The following USP8 variants were observed in gnomAD, a reference collection of about 807,000 sequenced individuals.
USP8 encodes the protein ubiquitin carboxyl-terminal hydrolase 8.
Under a neutral mutation model 130.0 loss-of-function variants are expected in USP8, and 27 were observed. The observed-to-expected ratio is 0.21, with a 90% CI of 0.15 to 0.29. The LOEUF (loss-of-function observed/expected upper bound fraction) is 0.29. Ranked by LOEUF, USP8 falls within the 10% of genes least tolerant of loss-of-function variation. The probability of loss-of-function intolerance (pLI) is 1.00; values close to 1 mark genes in which losing one functional copy is unlikely to be tolerated. For synonymous variants in USP8, 392 were observed against 444.1 expected (o/e 0.88, Z 1.48); for missense variants, 1,029 against 1,312.2 (o/e 0.78, Z 3.33).
chr15:50,433,933 A>C (rs1286244918), intron 1 of USP8, among the ~76,000 whole-genome samples: 1 of 152,014 alleles, frequency 6.6e-6, no homozygotes, highest in Non-Finnish European at 1.5e-5. Flanking sequence ...CTCATTTTCA[A>C]CACTTTTGGG....
chr15:50,434,356 G>T (rs1266544962), intron 1 of USP8, among the ~76,000 whole-genome samples: 1 of 151,836 alleles, frequency 6.6e-6, no homozygotes, highest in South Asian at 2.1e-4. Flanking sequence ...ACCTGCCTCA[G>T]CCTCCCGAAG....
chr15:50,449,586 ATT>A, intron 4 of USP8, 101 bp downstream of exon 4: 1 of 865,582 alleles, frequency 1.2e-6, no homozygotes. Context: ...TAATATTCCA[ATT>A]TTTTTTTGAG....
chr15:50,490,481 G>A lies in USP8; in HGVS notation c.2190G>A (p.Glu730=). Residue 730 remains glutamate, a synonymous_variant, in exon 14 of 20, where the codon GAG becomes GAA. Transcript: ENST00000307179. ...TAACCCAGGCTATTCAAGAGGAAGA[G>A]AAGAGGAAGCCAACAGTAACTCCAA... ...PDITQAIQEE[E]KRKPTVTPTV... is the part of the protein sequence containing the mutation. 1 of 1,614,158 alleles carries A rather than the reference G, an allele frequency of 6.2e-7. No individual in the cohort carries two copies. Among genetic ancestry groups the A allele is most frequent in the South Asian group, 1.1e-5 (1 of 91,088 alleles).
chr15:50,446,492 A>G (rs1457635713), intron 3 of USP8, among the ~76,000 whole-genome samples: 1 of 152,136 alleles, frequency 6.6e-6, no homozygotes, highest in Non-Finnish European at 1.5e-5. Context: ...TGTATTTTGT[A>G]TTTATTCAGA....
In USP8 at chr15:50,506,001, T is replaced by C. The variant is rs2052652966; in HGVS notation, c.*6913T>C. ...GAAAACAGTAGTTCAGTGATCAGAA[T>C]TACAGTGTTCTAAGAGCTTTCCATT... is the stretch of plus-strand genomic sequence containing the variant. On this transcript the variant is annotated 3_prime_UTR_variant, in exon 20 of 20. Coordinates refer to ENST00000307179, the MANE Select transcript of USP8 (RefSeq NM_005154.5). The C allele has an allele frequency of 6.6e-6, 1 of 152,222 alleles. No homozygotes were observed. The allele number at this position is 152,222 out of a possible 1,614,324, so 9.4% of individuals were successfully genotyped here. A position where few individuals can be genotyped will look rare whatever the true frequency, so the allele number is the denominator to read the frequency against.
intron 3 of USP8, among the ~76,000 whole-genome samples, chr15:50,447,649 G>T (rs1260044343): frequency 6.6e-6 from 1 of 151,456 alleles, no homozygotes; most frequent in African/African-American, 2.4e-5. Context: ...TGCAACCTCT[G>T]CCTCCCGGGT....
chr15:50,430,986 C>G (rs1056569261), intron 1 of USP8, among the ~76,000 whole-genome samples: 3 of 152,172 alleles, frequency 2.0e-5, no homozygotes, highest in Non-Finnish European at 4.4e-5. Context: ...GCTAAACATC[C>G]TGCAGTGCAC....
intron 4 of USP8, among the ~76,000 whole-genome samples, chr15:50,455,833 T>C (rs1311932032): frequency 6.6e-6 from 1 of 152,188 alleles, no homozygotes; most frequent in Non-Finnish European, 1.5e-5. Flanking sequence ...TTAATTCAGG[T>C]GTCAGGTGGC....
chr15:50,458,714 G>A (rs906129298), intron 4 of USP8: 5 of 251,254 alleles, frequency 2.0e-5, no homozygotes, highest in African/African-American at 9.1e-5. Context: ...GCAAATTGCA[G>A]CAGATTTGAA....
chr15:50,443,511 T>C (rs1188220466), intron 3 of USP8, among the ~76,000 whole-genome samples: 2 of 151,750 alleles, frequency 1.3e-5, no homozygotes, highest in African/African-American at 2.4e-5. Context: ...AAAGACGGAG[T>C]CTCACTCTGT....
intron 3 of USP8, among the ~76,000 whole-genome samples, chr15:50,441,901 A>G (rs888151580): frequency 6.7e-6 from 1 of 149,616 alleles, no homozygotes; most frequent in Non-Finnish European, 1.5e-5. Context: ...AGCTTTTTAT[A>G]TATGACTGAC....
chr15:50,513,390 T>C lies in USP8; in HGVS notation c.*14302T>C, dbSNP rs770128177. 1 of 151,924 alleles carries C rather than the reference T, an allele frequency of 6.6e-6. No homozygotes were observed. The highest frequency in any genetic ancestry group is 6.6e-5 in the Admixed American group (1 of 15,230). The allele number at this position is 151,924 out of a possible 1,614,324, so 9.4% of individuals were successfully genotyped here. Reference sequence around the variant, plus strand: ...ATAACCACATGCAACAATATGGATATATCTTTAAAATATTTAATGAAAAAG... The same window carrying C: ...ATAACCACATGCAACAATATGGATACATCTTTAAAATATTTAATGAAAAAG... On this transcript the variant is annotated 3_prime_UTR_variant, in exon 20 of 20. Transcript: ENST00000307179.
rs144452093 is a variant in USP8, at chr15:50,431,629, T to C, written c.-66+7115T>C. Among the ~76,000 whole-genome samples the C allele has an allele frequency of 4.0e-3, 603 of 152,272 alleles. 5 individuals carry two copies. The highest frequency in any genetic ancestry group is 0.014 in the African/African-American group (569 of 41,566). On this transcript the variant is annotated intron_variant, in intron 1 of 19. Transcript: ENST00000307179. ...ATTTTCCCTCTATCCGATTGATTAT[T>C]TCCCAATAACTTCTGTAATATTCCT...
chr15:50,490,573 A>G lies in USP8; in HGVS notation c.2234+48A>G, dbSNP rs112117209. ...AACTAAAATAATGTGCTGTATTTCA[A>G]AGTTTCTACTCTGAATCTGTCAGTA... On this transcript the variant is annotated intron_variant, in intron 14 of 19. Coordinates refer to ENST00000307179, the MANE Select transcript of USP8 (RefSeq NM_005154.5). 315 of 1,583,344 alleles carry G rather than the reference A, an allele frequency of 2.0e-4. 1 individual carries two copies. The African/African-American group carries it at 3.9e-3, about 20-fold the overall frequency.
intron 10 of USP8, among the ~76,000 whole-genome samples, chr15:50,479,212 A>G (rs1331170504): frequency 6.6e-6 from 1 of 152,222 alleles, no homozygotes; most frequent in African/African-American, 2.4e-5. Context: ...AGCAAGGAGA[A>G]TATTCTAGCT....
intron 9 of USP8, 48 bp downstream of exon 9, chr15:50,477,041 T>G: frequency 6.3e-7 from 1 of 1,584,012 alleles, no homozygotes; most frequent in Non-Finnish European, 8.5e-7. Context: ...TAAAATATGG[T>G]TTAAAATTGT....
At chr15:50,461,333 C>T (rs2050994290) in intron 5 of USP8, among the ~76,000 whole-genome samples, 1 of 151,690 alleles carries the variant, frequency 6.6e-6, no homozygotes, top group Admixed American at 6.6e-5. Context: ...CATGATAGTG[C>T]ACACCTGTAG....
At chr15:50,497,570 GACTT>G (rs1312516801) in intron 18 of USP8, 1 of 171,052 alleles carries the variant, frequency 5.8e-6, no homozygotes, top group Non-Finnish European at 1.2e-5. Flanking sequence ...AAGCATAACA[GACTT>G]AGTTATGTGT....
intron 1 of USP8, 186 bp downstream of exon 1, chr15:50,424,700 A>G: frequency 2.6e-6 from 1 of 391,646 alleles, no homozygotes; most frequent in Non-Finnish European, 4.5e-6. Flanking sequence ...TGAGTCTTTT[A>G]CGCCATCTAC....
Sources: gnomAD v4.1 joint callset for allele counts (sites outside exome capture counted in the v4.1 genomes callset) on GRCh38, gnomAD v4.1.1 for gene constraint, MANE v1.5 for transcripts, NCBI Gene and HGNC (gene_info 2026-07-23, HGNC 2026-07-21) for gene names.